GPC6: variants seen among roughly 807,000 people sequenced by gnomAD.
GPC6 encodes glypican-6.
Under a neutral mutation model 55.2 loss-of-function variants are expected in GPC6, and 14 were observed. The ratio of observed to expected loss-of-function variants is 0.25; its 90% CI spans 0.17 to 0.40. GPC6 has a LOEUF of 0.40. Ranked by LOEUF, GPC6 falls within the 10% of genes least tolerant of loss-of-function variation. The pLI is 1.00. For synonymous variants in GPC6, 278 were observed against 259.6 expected (o/e 1.07, Z -0.68); for missense variants, 641 against 708.5 (o/e 0.90, Z 1.08).
chr13:94,256,631 A>T (rs1032046663), intron 4 of GPC6, among the ~76,000 whole-genome samples: 5 of 152,154 alleles, frequency 3.3e-5, no homozygotes, highest in African/African-American at 9.7e-5. Context: ...ACATAAACTC[A>T]TATCAGCCGC....
chr13:94,075,887 T>A (rs903021097), intron 4 of GPC6, among the ~76,000 whole-genome samples: 6 of 152,116 alleles, frequency 3.9e-5, no homozygotes, highest in Non-Finnish European at 7.4e-5. Flanking sequence ...TGGGTTGTTA[T>A]CTTGGCTAAT....
intron 4 of GPC6, among the ~76,000 whole-genome samples, chr13:94,062,315 G>T (rs983086132): frequency 2.0e-5 from 3 of 151,852 alleles, no homozygotes; most frequent in African/African-American, 7.3e-5. Context: ...GCAGTGGCAC[G>T]ATCTTGGCTC....
intron 2 of GPC6, among the ~76,000 whole-genome samples, chr13:93,659,612 T>A (rs1880833375): frequency 1.3e-5 from 2 of 152,046 alleles, no homozygotes; most frequent in African/African-American, 4.8e-5. Flanking sequence ...ACATCTAGCT[T>A]TTATAATGCT....
intron 1 of GPC6, among the ~76,000 whole-genome samples, chr13:93,393,532 T>C (rs1412191950): frequency 6.6e-6 from 1 of 152,108 alleles, no homozygotes; most frequent in Non-Finnish European, 1.5e-5. Flanking sequence ...AGTTTTGACA[T>C]CTTTTAAAAT....
intron 4 of GPC6, among the ~76,000 whole-genome samples, chr13:94,178,312 T>C (rs1888863282): frequency 6.6e-6 from 1 of 152,204 alleles, no homozygotes; most frequent in Admixed American, 6.5e-5. Context: ...TTAAATATTT[T>C]ATCTTGTCCT....
intron 4 of GPC6, among the ~76,000 whole-genome samples, chr13:94,184,759 A>G (rs1388566489): frequency 5.3e-5 from 8 of 152,192 alleles, no homozygotes; most frequent in Admixed American, 4.6e-4. Flanking sequence ...TTAAAACAGA[A>G]CTACCATTTG....
intron 4 of GPC6, among the ~76,000 whole-genome samples, chr13:94,128,523 G>A (rs1408028837): frequency 3.3e-5 from 5 of 152,142 alleles, no homozygotes; most frequent in Non-Finnish European, 5.9e-5. Context: ...GATCCTAGGT[G>A]ACATAGCAGT....
At chr13:93,952,011 G>A (rs1879275187) in intron 3 of GPC6, among the ~76,000 whole-genome samples, 1 of 152,084 alleles carries the variant, frequency 6.6e-6, no homozygotes, top group African/African-American at 2.4e-5. Context: ...TCTGTTCTTA[G>A]CACAGCCTAC....
chr13:94,191,005 G>A (rs1889375065), intron 4 of GPC6, among the ~76,000 whole-genome samples: 2 of 152,210 alleles, frequency 1.3e-5, no homozygotes, highest in East Asian at 1.9e-4. Context: ...GAGGCAAAAT[G>A]TTAACAATAG....
chr13:94,144,547 ATGTGTG>A (rs67016286), intron 4 of GPC6, among the ~76,000 whole-genome samples: 97,368 of 148,384 alleles, frequency 0.66, 32,728 homozygotes, highest in Middle Eastern at 0.8. Flanking sequence ...GTGTGTGTGT[ATGTGTG>A]TGTGTGTGTG....
chr13:93,423,592 G>A (rs562234675), intron 1 of GPC6, among the ~76,000 whole-genome samples: 6 of 151,912 alleles, frequency 3.9e-5, no homozygotes, highest in African/African-American at 1.4e-4. Context: ...TTTTTTCCGC[G>A]GTTGCTAAGT....
intron 4 of GPC6, among the ~76,000 whole-genome samples, chr13:94,105,515 GT>G (rs1382642647): frequency 6.6e-6 from 1 of 152,180 alleles, no homozygotes; most frequent in Non-Finnish European, 1.5e-5. Context: ...TAGGAGAGAA[GT>G]CAAAGCCAAA....
chr13:93,486,099 T>G (rs1455414820), intron 1 of GPC6, among the ~76,000 whole-genome samples: 1 of 152,054 alleles, frequency 6.6e-6, no homozygotes, highest in Non-Finnish European at 1.5e-5. Flanking sequence ...AAAGAGAATT[T>G]CAAAAATAAA....
intron 3 of GPC6, among the ~76,000 whole-genome samples, chr13:93,871,304 G>C (rs1398779380): frequency 6.6e-6 from 1 of 151,818 alleles, no homozygotes; most frequent in Admixed American, 6.6e-5. Flanking sequence ...GGTGTTGTGA[G>C]GATTAAATAA....
intron 2 of GPC6, among the ~76,000 whole-genome samples, chr13:93,625,338 T>C (rs1215108578): frequency 3.9e-5 from 6 of 152,166 alleles, no homozygotes; most frequent in Non-Finnish European, 8.8e-5. Flanking sequence ...TTGAGAGTTA[T>C]AAAAAAGAAA....
chr13:93,702,874 A>G (rs577630623), intron 2 of GPC6, among the ~76,000 whole-genome samples: 21 of 152,132 alleles, frequency 1.4e-4, no homozygotes, highest in South Asian at 8.3e-4. Flanking sequence ...GCTGAAGGAA[A>G]TGCTGTGGCT....
At chr13:93,310,445 C>T (rs1805305939) in intron 1 of GPC6, among the ~76,000 whole-genome samples, 1 of 152,128 alleles carries the variant, frequency 6.6e-6, no homozygotes, top group South Asian at 2.1e-4. Context: ...CCTCAGGAGG[C>T]ACTTTGGAAA....
At chr13:93,657,406 G>T (rs1279764102) in intron 2 of GPC6, among the ~76,000 whole-genome samples, 1 of 151,974 alleles carries the variant, frequency 6.6e-6, no homozygotes, top group African/African-American at 2.4e-5. Flanking sequence ...ATATGCAGAA[G>T]ATTGAAACTG....
chr13:93,922,848 C>T (rs570250454), intron 3 of GPC6, among the ~76,000 whole-genome samples: 1 of 152,120 alleles, frequency 6.6e-6, no homozygotes, highest in Non-Finnish European at 1.5e-5. Flanking sequence ...TAATATTATG[C>T]ATAATTCTGT....
Sources: allele counts gnomAD v4.1 joint callset (sites outside exome capture counted in the v4.1 genomes callset), GRCh38; gene constraint gnomAD v4.1.1; transcripts MANE v1.5; gene names NCBI Gene and HGNC (gene_info 2026-07-23, HGNC 2026-07-21).